LINGO2: variants seen among roughly 807,000 people sequenced by gnomAD.
LINGO2 encodes leucine-rich repeat and immunoglobulin-like domain-containing nogo receptor-interacting protein 2.
A neutral mutation model predicts 30.6 loss-of-function variants in LINGO2; 14 were observed. That is an observed-to-expected ratio of 0.46 (90% CI 0.30 to 0.72). LINGO2 has a LOEUF of 0.72. LINGO2 is among the 30% of genes least tolerant of loss of function. The pLI is 0.07. For synonymous variants in LINGO2, 317 were observed against 288.5 expected, an observed-to-expected ratio of 1.10 and a Z score of -1.00; for missense variants, 729 against 751.7, an observed-to-expected ratio of 0.97 and a Z score of 0.35.
chr9:28,769,711 T>A, the LINGO2 span, among the ~76,000 whole-genome samples: 1 of 150,570 alleles, frequency 6.6e-6, no homozygotes, highest in Non-Finnish European at 1.5e-5. Flanking sequence ...TTTTTATTTG[T>A]TCTGTTCTTC....
At chr9:28,065,469 C>T (rs769434445) in intron 4 of LINGO2, among the ~76,000 whole-genome samples, 7 of 151,990 alleles carry the variant, frequency 4.6e-5, no homozygotes, top group African/African-American at 1.2e-4. Context: ...ATAGTAAAAA[C>T]GGGCAGTGAT....
At chr9:29,153,225 T>C in the LINGO2 span, among the ~76,000 whole-genome samples, 2 of 152,166 alleles carry the variant, frequency 1.3e-5, no homozygotes, top group African/African-American at 4.8e-5. Flanking sequence ...TATCTAATTC[T>C]ATATTATTTA....
At chr9:29,131,122 C>T in the LINGO2 span, among the ~76,000 whole-genome samples, 36,578 of 152,014 alleles carry the variant, frequency 0.24, 4,536 homozygotes, top group East Asian at 0.41. Flanking sequence ...ATGGATGGAA[C>T]CACTTCCTTT....
At chr9:29,020,801 A>G in the LINGO2 span, among the ~76,000 whole-genome samples, 1 of 152,298 alleles carries the variant, frequency 6.6e-6, no homozygotes, top group South Asian at 2.1e-4. Flanking sequence ...TATACAAGAC[A>G]GCCAGTGAGC....
the LINGO2 span, among the ~76,000 whole-genome samples, chr9:28,776,225 G>A: frequency 6.6e-6 from 1 of 152,182 alleles, no homozygotes; most frequent in Non-Finnish European, 1.5e-5. Flanking sequence ...GACCACTTAA[G>A]TGGTGAAAGA....
the LINGO2 span, among the ~76,000 whole-genome samples, chr9:29,099,264 C>CA: frequency 6.6e-6 from 1 of 152,274 alleles, no homozygotes; most frequent in African/African-American, 2.4e-5. Context: ...GCTAAGACTT[C>CA]AAACTATGAA....
rs10812726 is a variant in LINGO2 at position 28,019,115 on chromosome 9, G to A, written c.-86-6710C>T. On this transcript the variant is annotated intron_variant, in intron 4 of 5. Coordinates refer to ENST00000379992, the Ensembl canonical transcript of LINGO2. ...CTAAGAAGGGAAAAACAGACACTGA[G>A]GCCTACTTGACAGATGAAGATGGGA... Among the ~76,000 whole-genome samples, 3,924 of 152,088 alleles carry A rather than the reference G, an allele frequency of 0.026. 274 individuals are homozygous for A. In the East Asian group the frequency reaches 0.28, roughly 11 times the overall value.
the LINGO2 span, among the ~76,000 whole-genome samples, chr9:28,955,236 T>G: frequency 1.3e-5 from 2 of 151,912 alleles, no homozygotes; most frequent in African/African-American, 4.8e-5. Context: ...CTAACAGAGA[T>G]AGACAGGCAA....
chr9:28,206,553 C>G (rs1330543467), intron 4 of LINGO2, among the ~76,000 whole-genome samples: 1 of 152,084 alleles, frequency 6.6e-6, no homozygotes, highest in African/African-American at 2.4e-5. Context: ...CTTATATTAA[C>G]TTATTTAATT....
intron 4 of LINGO2, among the ~76,000 whole-genome samples, chr9:28,051,774 TTG>T (rs1824686064): frequency 6.6e-6 from 1 of 152,004 alleles, no homozygotes; most frequent in African/African-American, 2.4e-5. Flanking sequence ...TTTCAGGAAT[TTG>T]TAAGTTGATA....
At chr9:28,556,808 A>T (rs1822727878) in intron 1 of LINGO2, among the ~76,000 whole-genome samples, 1 of 152,068 alleles carries the variant, frequency 6.6e-6, no homozygotes, top group Non-Finnish European at 1.5e-5. Flanking sequence ...GATATAGATC[A>T]ATGGAACAGA....
the LINGO2 span, among the ~76,000 whole-genome samples, chr9:28,745,920 C>A: frequency 5.3e-5 from 8 of 152,028 alleles, no homozygotes; most frequent in South Asian, 1.7e-3. Flanking sequence ...ATATAAAGAA[C>A]GTATTTCAAC....
the LINGO2 span, among the ~76,000 whole-genome samples, chr9:28,958,218 G>T: frequency 1.3e-5 from 2 of 152,118 alleles, no homozygotes. Flanking sequence ...ACTGGATTCT[G>T]GGAGCTGCAG....
chr9:28,497,230 C>T (rs1819669812), intron 1 of LINGO2, among the ~76,000 whole-genome samples: 1 of 152,142 alleles, frequency 6.6e-6, no homozygotes, highest in Non-Finnish European at 1.5e-5. Context: ...GGGAAGTTCT[C>T]CTGGATAATA....
the LINGO2 span, among the ~76,000 whole-genome samples, chr9:28,734,978 C>T: frequency 6.6e-6 from 1 of 152,070 alleles, no homozygotes; most frequent in Non-Finnish European, 1.5e-5. Flanking sequence ...CTGAGTAATA[C>T]TGCATTTTAT....
chr9:28,870,738 T>C, the LINGO2 span, among the ~76,000 whole-genome samples: 1 of 151,944 alleles, frequency 6.6e-6, no homozygotes. Context: ...CATAAAACCA[T>C]AGAAAAGTAA....
At chr9:28,213,382 C>T (rs1820659494) in intron 4 of LINGO2, among the ~76,000 whole-genome samples, 1 of 151,172 alleles carries the variant, frequency 6.6e-6, no homozygotes, top group South Asian at 2.1e-4. Context: ...CATGCAGCCA[C>T]AAAAATACAG....
the LINGO2 span, among the ~76,000 whole-genome samples, chr9:28,878,390 G>T: frequency 5.9e-5 from 9 of 152,158 alleles, no homozygotes; most frequent in Non-Finnish European, 8.8e-5. Context: ...TGGATTCACA[G>T]CCGAATTCTA....
chr9:29,182,272 T>C, the LINGO2 span, among the ~76,000 whole-genome samples: 1 of 151,994 alleles, frequency 6.6e-6, no homozygotes, highest in African/African-American at 2.4e-5. Flanking sequence ...AGCCAGAGAT[T>C]AGAAATAACA....
Sources: allele counts gnomAD v4.1 joint callset (sites outside exome capture counted in the v4.1 genomes callset), GRCh38; gene constraint gnomAD v4.1.1; transcripts MANE v1.5; gene names NCBI Gene and HGNC (gene_info 2026-07-23, HGNC 2026-07-21).